Variants in KCP observed in about 807,000 individuals in gnomAD.
The protein encoded by KCP is kielin/chordin-like protein.
A neutral mutation model predicts 212.7 loss-of-function variants in KCP; 194 were observed. The observed-to-expected ratio is 0.91, with a 90% CI of 0.81 to 1.03. The LOEUF (loss-of-function observed/expected upper bound fraction) is 1.03, where lower values mean the gene tolerates loss of function less well. Ranked by LOEUF, KCP falls within the 50% of genes least tolerant of loss-of-function variation. KCP has a pLI of 0.00. For synonymous variants in KCP, 833 were observed against 865.3 expected, an observed-to-expected ratio of 0.96 and a Z score of 0.65; for missense variants, 2,080 against 2,162.5, an observed-to-expected ratio of 0.96 and a Z score of 0.76.
chr7:128,903,419 G>A lies in KCP; in HGVS notation c.748+308C>T, dbSNP rs1255050343. The A allele has an allele frequency of 9.2e-6, 4 of 434,994 alleles. No individual in the cohort carries two copies. The Admixed American group carries it at 1.2e-4, about 14-fold the overall frequency. The allele number at this position is 434,994 out of a possible 1,614,324, so 26.9% of individuals were successfully genotyped here. A position where few individuals can be genotyped will look rare whatever the true frequency, so the allele number is the denominator to read the frequency against. On this transcript the variant is annotated intron_variant, in intron 7 of 39. Transcript: ENST00000610776. ...ATTTTGCATTAGTGTATGACTCAGT[G>A]TCACACTCTAGGGGTCATCCCTGAG...
rs980380800 is a variant in KCP, at chr7:128,893,864, CGGGCA to C, written c.1036_1040del (p.Cys346AlafsTer22). ...TGCCTGGGTGTCTGCAGGGCACTGG[CGGGCA>C]GGGCAGAGGCTCACACTGGACACTC... is the stretch of plus-strand genomic sequence containing the variant. On this transcript the variant is annotated frameshift_variant, in exon 11 of 40. Transcript: ENST00000610776. LOFTEE classifies it high-confidence loss of function. 1.4e-5 allele frequency: 22 copies of C among 1,551,162 alleles called. No homozygotes were observed. In the Admixed American group the frequency reaches 4.1e-4, roughly 29 times the overall value.
intron 2 of KCP, among the ~76,000 whole-genome samples, 199 bp downstream of exon 2, chr7:128,908,227 G>GGAAAGAAGAAAGGAAGAAA (rs1303331091): frequency 1.2e-5 from 1 of 80,676 alleles, no homozygotes; most frequent in Non-Finnish European, 2.4e-5. Flanking sequence ...AAGGAGGGAA[G>GGAAAGAAGAAAGGAAGAAA]GAAAGAAGAA....
chr7:128,888,910 C>T lies in KCP; in HGVS notation c.2465G>A (p.Cys822Tyr). Residue 822 changes from cysteine to tyrosine, a missense_variant, in exon 22 of 40, where the codon TGC becomes TAC. Physicochemically the swap from Cys to Tyr is radical, Grantham distance 194. Coordinates refer to ENST00000610776, the MANE Select transcript of KCP (RefSeq NM_001366122.1). The part of the protein sequence containing the change: ...CGRRPCEPPG[C>Y]SHPLIPSGHC... ...CCCAGAGGGGATGAGTGGGTGGCTGCAGCCCGGAGGCTCACAGGGCCGGCG... is the reference window on the plus strand; with the variant it reads ...CCCAGAGGGGATGAGTGGGTGGCTGTAGCCCGGAGGCTCACAGGGCCGGCG... 1 of 1,550,422 alleles carries T rather than the reference C, an allele frequency of 6.4e-7. No homozygotes were observed. Among genetic ancestry groups the T allele is most frequent in the Non-Finnish European group, 8.7e-7 (1 of 1,146,788 alleles).
intron 20 of KCP, 69 bp downstream of exon 20, chr7:128,890,836 C>A: frequency 8.6e-7 from 1 of 1,168,250 alleles, no homozygotes. Flanking sequence ...GGGGACTGGG[C>A]AGGGCGCTCC....
chr7:128,893,249 T>C lies in KCP; in HGVS notation c.1256A>G (p.Gln419Arg). 1 of 1,551,310 alleles carries C rather than the reference T, an allele frequency of 6.4e-7. No individual in the cohort carries two copies. The highest frequency in any genetic ancestry group is 8.7e-7 in the Non-Finnish European group (1 of 1,146,932). The change falls in exon 13 of 40, where the codon CAG becomes CGG. Residue 419 changes from glutamine (Q) to arginine (R), a missense_variant. Transcript: ENST00000610776. ...TPCALPASGR[Q>R]LCPACELDGE... is the part of the protein sequence containing the mutation. The stretch of plus-strand genomic sequence containing the variant: ...CCTCTCACACACACCTGGGCAGAGC[T>C]GGCGGCCAGAGGCAGGCAGGGCACA...
chr7:128,891,659 C>G lies in KCP; in HGVS notation c.1782G>C (p.Pro594=), dbSNP rs1400843604. The G allele has an allele frequency of 5.5e-6, 8 of 1,460,634 alleles. No homozygotes were observed. Among genetic ancestry groups the G allele is most frequent in the Non-Finnish European group, 7.2e-6 (8 of 1,104,512 alleles). 90.5% of individuals were successfully genotyped at this position (1,460,634 alleles called of 1,614,324 possible). A position where few individuals can be genotyped will look rare whatever the true frequency, so the allele number is the denominator to read the frequency against. Residue 594 remains proline (P), a synonymous_variant, in exon 17 of 40, where the codon CCG becomes CCC. Transcript: ENST00000610776. ...CAHPLPGTCC[P]NDCSGCAFGG... Reference sequence around the variant, plus strand: ...CGCCCACCTCACCGCTGCAGTCGTTCGGGCAGCAGGTCCCAGGCAGCGGGT... The same window carrying G: ...CGCCCACCTCACCGCTGCAGTCGTTGGGGCAGCAGGTCCCAGGCAGCGGGT...
rs531808340 is a variant in KCP at position 128,900,975 on chromosome 7, T to A, written c.831+1802A>T. On this transcript the variant is annotated intron_variant, in intron 8 of 39. Transcript: ENST00000610776. ...CCTACTGGGCTGCATTCCCAGATGG[T>A]TAGGCATTCTAAGTCACAGGATGAG... Among the ~76,000 whole-genome samples the A allele has an allele frequency of 1.3e-4, 20 of 152,288 alleles. No homozygotes were observed. The East Asian group carries it at 3.7e-3, about 28-fold the overall frequency.
At chr7:128,899,849 G>A (rs1378411571) in intron 8 of KCP, among the ~76,000 whole-genome samples, 2 of 152,146 alleles carry the variant, frequency 1.3e-5, no homozygotes, top group African/African-American at 2.4e-5. Flanking sequence ...ATCATGTAAG[G>A]AATCATGATT....
chr7:128,880,240 G>A lies in KCP; in HGVS notation c.3759+146C>T, dbSNP rs1563019537. On this transcript the variant is annotated intron_variant, in intron 34 of 39. Transcript: ENST00000610776. ...GTGAGTGAGGTCAGGGCACCACATC[G>A]TGGTCGCACTGGGAACAGCACTGTC... 5 of 1,286,870 alleles carry A rather than the reference G, an allele frequency of 3.9e-6. No homozygotes were observed. The Admixed American group carries it at 8.3e-5, about 21-fold the overall frequency. The allele number at this position is 1,286,870 out of a possible 1,614,324, so 79.7% of individuals were successfully genotyped here.
intron 17 of KCP, 52 bp downstream of exon 17, chr7:128,891,594 C>G: frequency 3.9e-6 from 6 of 1,519,172 alleles, no homozygotes; most frequent in Non-Finnish European, 2.7e-6. Context: ...TGCTGCCTTC[C>G]GGGGGCCATG....
Position 128,903,729 on chromosome 7 carries a change from T to A in KCP, c.746A>T (p.Gln249Leu), listed in dbSNP as rs1300958476. The change falls in exon 7 of 40, where the codon CAA becomes CTA. Residue 249 changes from glutamine to leucine, a missense_variant and splice_region_variant. Coordinates refer to ENST00000610776, the MANE Select transcript of KCP (RefSeq NM_001366122.1). ...LRPGHCCPTC[Q>L]GCTEGGSHWE... ...AGGGAGGGGCCAGGGGCTCTCACCT[T>A]GGCAGGTTGGGCAGCAGTGCCCAGG... 1 of 1,548,602 alleles carries A rather than the reference T, an allele frequency of 6.5e-7. No homozygotes were observed. Among genetic ancestry groups the A allele is most frequent in the Non-Finnish European group, 8.7e-7 (1 of 1,145,640 alleles).
At position 128,885,174 on chromosome 7, in the gene KCP, G is replaced by C. The variant is rs969396351; in HGVS notation, c.2963C>G (p.Thr988Ser). The part of the protein sequence containing the change: ...SSCVCHEGVV[T>S]CARIQCISSC... ...GCTGATGCACTGGATGCGTGCACAG[G>C]TGACGACGCCCTCGTGACACACACA... Residue 988 changes from threonine to serine, a missense_variant, in exon 27 of 40, where the codon ACC becomes AGC. Thr to Ser is a moderately conservative substitution (Grantham distance 58). Coordinates refer to ENST00000610776, the MANE Select transcript of KCP (RefSeq NM_001366122.1). 6.4e-7 allele frequency: 1 copy of C among 1,550,880 alleles called. No individual in the cohort carries two copies. Among genetic ancestry groups the C allele is most frequent in the Non-Finnish European group, 8.7e-7 (1 of 1,147,010 alleles).
intron 1 of KCP, among the ~76,000 whole-genome samples, chr7:128,908,862 G>T (rs991501975): frequency 1.3e-5 from 2 of 152,194 alleles, no homozygotes; most frequent in African/African-American, 2.4e-5. Flanking sequence ...TGTCAGAAAG[G>T]CCACAACTTT....
chr7:128,901,917 C>T (rs1426975371), intron 8 of KCP, among the ~76,000 whole-genome samples: 2 of 152,312 alleles, frequency 1.3e-5, no homozygotes, highest in East Asian at 3.9e-4. Flanking sequence ...GGTACGTTCC[C>T]CTCTTTTTCC....
intron 34 of KCP, 123 bp from the exon 35 acceptor site, chr7:128,880,208 G>T (rs1585194047): frequency 1.5e-6 from 2 of 1,308,768 alleles, no homozygotes; most frequent in East Asian, 2.6e-5. Context: ...TGGCTCCCAG[G>T]CTCCCTGTGA....
At chr7:128,903,634 C>A in intron 7 of KCP, 93 bp downstream of exon 7, 1 of 1,059,286 alleles carries the variant, frequency 9.4e-7, no homozygotes, top group South Asian at 1.6e-5. Flanking sequence ...ACGGACCAAA[C>A]CCACTGGAGG....
chr7:128,887,199 A>C lies in KCP; in HGVS notation c.2598+16T>G, dbSNP rs776341803. The stretch of plus-strand genomic sequence containing the variant: ...AGGGAGGAAAGGTTACCAAGGTCCT[A>C]AAGGGGCTGCCTCACCTGGCAGGTG... On this transcript the variant is annotated intron_variant, in intron 23 of 39. Coordinates refer to ENST00000610776, the MANE Select transcript of KCP (RefSeq NM_001366122.1). 4.9e-5 allele frequency: 76 copies of C among 1,550,408 alleles called. No individual in the cohort carries two copies. In the Middle Eastern group the frequency reaches 5.0e-4, roughly 10 times the overall value.
In KCP at chr7:128,884,160, C is replaced by G. The variant is rs922522768; in HGVS notation, c.3124-38G>C. On this transcript the variant is annotated intron_variant, in intron 28 of 39. Coordinates refer to ENST00000610776, the MANE Select transcript of KCP (RefSeq NM_001366122.1). Reference sequence around the variant, plus strand: ...GTGAGCAGCGGTGGGTCCTGGGCCACAAAAACCCAGAGCTGCCCTTGGCCG... The same window carrying G: ...GTGAGCAGCGGTGGGTCCTGGGCCAGAAAAACCCAGAGCTGCCCTTGGCCG... 2.6e-6 allele frequency: 4 copies of G among 1,513,800 alleles called. No homozygotes were observed. The African/African-American group carries it at 4.3e-5, about 16-fold the overall frequency. The allele number at this position is 1,513,800 out of a possible 1,614,324, so 93.8% of individuals were successfully genotyped here.
chr7:128,905,233 G>A lies in KCP; in HGVS notation c.571+1046C>T, dbSNP rs58467072. Among the ~76,000 whole-genome samples the A allele has an allele frequency of 3.0e-3, 449 of 152,172 alleles. 3 individuals are homozygous for A. The highest frequency in any genetic ancestry group is 0.01 in the African/African-American group (417 of 41,518). ...AATTTGAACTTCAGAAGAATAAGAC[G>A]TCAATTTTAGTATAAGAATGTCCTA... On this transcript the variant is annotated intron_variant, in intron 5 of 39. Transcript: ENST00000610776.
Sources: gnomAD v4.1 joint callset for allele counts (sites outside exome capture counted in the v4.1 genomes callset) on GRCh38, gnomAD v4.1.1 for gene constraint, MANE v1.5 for transcripts, NCBI Gene and HGNC (gene_info 2026-07-23, HGNC 2026-07-21) for gene names.